The following NEIL2 variants were observed in gnomAD, a reference collection of about 807,000 sequenced individuals.
NEIL2 encodes the protein endonuclease 8-like 2.
NEIL2 carries 23 observed loss-of-function variants against 22.2 expected under a neutral mutation model. The observed-to-expected ratio is 1.04, with a 90% CI of 0.75 to 1.47. The LOEUF is 1.47. Among genes scored for constraint, NEIL2 ranks in the 40% most tolerant of loss-of-function variants. The pLI is 0.00. For synonymous variants in NEIL2, 229 were observed against 164.8 expected, an observed-to-expected ratio of 1.39 and a Z score of -2.99; for missense variants, 583 against 404.7, an observed-to-expected ratio of 1.44 and a Z score of -3.78.
At chr8:11,772,553 T>A (rs979228909) in intron 2 of NEIL2, among the ~76,000 whole-genome samples, 3 of 152,198 alleles carry the variant, frequency 2.0e-5, no homozygotes, top group Admixed American at 1.3e-4. Context: ...AGACTCCATC[T>A]CTGTGCTTCC....
intron 4 of NEIL2, among the ~76,000 whole-genome samples, chr8:11,784,018 G>T (rs752941358): frequency 6.6e-6 from 1 of 151,852 alleles, no homozygotes; most frequent in Non-Finnish European, 1.5e-5. Context: ...CTAATTAGCG[G>T]GACTATGACA....
In NEIL2 at chr8:11,769,752, C is replaced by G. The variant is rs8191518; in HGVS notation, c.-586C>G. The G allele has an allele frequency of 0.15, 23,002 of 152,396 alleles. 2,294 individuals carry two copies. The highest frequency in any genetic ancestry group is 0.23 in the Non-Finnish European group (15,537 of 68,114). The allele number at this position is 152,396 out of a possible 1,614,324, so 9.4% of individuals were successfully genotyped here. A position where few individuals can be genotyped will look rare whatever the true frequency, so the allele number is the denominator to read the frequency against. ...TGGAGCGGCTGTGCGGGCTGCGTAG[C>G]GGTGCTGGGTCGGGCCGACGTGCCA... On this transcript the variant is annotated 5_prime_UTR_variant, in exon 1 of 5. Coordinates refer to ENST00000284503, the MANE Select transcript of NEIL2 (RefSeq NM_145043.4).
At chr8:11,776,707 G>A (rs1803931753) in intron 2 of NEIL2, among the ~76,000 whole-genome samples, 1 of 152,168 alleles carries the variant, frequency 6.6e-6, no homozygotes, top group Non-Finnish European at 1.5e-5. Context: ...CACAGCACCT[G>A]GGGCCTCCCC....
At position 11,786,014 on chromosome 8, in the gene NEIL2, C is replaced by G; in HGVS notation, c.740C>G (p.Ser247Cys). The change falls in exon 5 of 5, where the codon TCT becomes TGT. Residue 247 changes from serine (S) to cysteine (C), a missense_variant. Transcript: ENST00000284503. ...TACAGAGCTGGGATCCATCCCCTTT[C>G]TCTCGGTTCAGTCCTGAGTGCCTCG... ...ALYRAGIHPLSLGSVLSASRR... is the reference protein window; with the variant it reads ...ALYRAGIHPLCLGSVLSASRR... 1 of 1,614,192 alleles carries G rather than the reference C, an allele frequency of 6.2e-7. No individual in the cohort carries two copies. Among genetic ancestry groups the G allele is most frequent in the Non-Finnish European group, 8.5e-7 (1 of 1,180,026 alleles).
intron 3 of NEIL2, among the ~76,000 whole-genome samples, chr8:11,780,584 G>C (rs766149657): frequency 2.0e-5 from 3 of 152,152 alleles, no homozygotes; most frequent in Non-Finnish European, 4.4e-5. Context: ...TCACCATGTT[G>C]GACAGGCTGG....
intron 2 of NEIL2, among the ~76,000 whole-genome samples, chr8:11,776,962 G>A (rs1803955770): frequency 6.6e-6 from 1 of 152,172 alleles, no homozygotes; most frequent in African/African-American, 2.4e-5. Context: ...CGCCCTGGCT[G>A]CTGTGTCTGA....
intron 2 of NEIL2, among the ~76,000 whole-genome samples, chr8:11,775,868 A>G (rs184430312): frequency 1.3e-5 from 2 of 152,322 alleles, no homozygotes; most frequent in Admixed American, 6.5e-5. Flanking sequence ...CCATATCACT[A>G]TCAGCATTTT....
rs1803331220 is a variant in NEIL2, at chr8:11,770,354, G to C, written c.-3+19G>C. 1 of 152,184 alleles carries C rather than the reference G, an allele frequency of 6.6e-6. No homozygotes were observed. Among genetic ancestry groups the C allele is most frequent in the South Asian group, 2.1e-4 (1 of 4,836 alleles). The allele number at this position is 152,184 out of a possible 1,614,324, so 9.4% of individuals were successfully genotyped here. A position where few individuals can be genotyped will look rare whatever the true frequency, so the allele number is the denominator to read the frequency against. On this transcript the variant is annotated intron_variant, in intron 1 of 4. Transcript: ENST00000284503. ...GGTTAAGGTCAGCAGCGTTTGGCAC[G>C]TCTCCTTCCAGCCTGGCGGTTTTGT...
intron 3 of NEIL2, among the ~76,000 whole-genome samples, chr8:11,780,998 C>T (rs1477622840): frequency 1.3e-5 from 2 of 152,054 alleles, no homozygotes; most frequent in South Asian, 2.1e-4. Context: ...TATGATGTCT[C>T]TTGGCATTTG....
intron 3 of NEIL2, among the ~76,000 whole-genome samples, chr8:11,780,996 C>G (rs534459532): frequency 6.6e-6 from 1 of 152,198 alleles, no homozygotes; most frequent in African/African-American, 2.4e-5. Flanking sequence ...CTTATGATGT[C>G]TCTTGGCATT....
intron 2 of NEIL2, 72 bp downstream of exon 2, chr8:11,771,657 T>G: frequency 3.4e-6 from 5 of 1,484,270 alleles, no homozygotes; most frequent in Non-Finnish European, 4.6e-6. Context: ...TATCCCCATA[T>G]GTCTCAGGGT....
intron 2 of NEIL2, among the ~76,000 whole-genome samples, chr8:11,775,939 C>T (rs1258861850): frequency 6.6e-6 from 1 of 152,218 alleles, no homozygotes; most frequent in African/African-American, 2.4e-5. Flanking sequence ...TTCCTGTCTT[C>T]TTCTGAGCCC....
chr8:11,783,364 A>C lies in NEIL2; in HGVS notation c.653A>C (p.Tyr218Ser). 6.2e-7 allele frequency: 1 copy of C among 1,614,194 alleles called. No individual in the cohort carries two copies. The highest frequency in any genetic ancestry group is 1.1e-5 in the South Asian group (1 of 91,084). ...CTAGGCCAGGCTCAGCCTGTCTGCTATACACTGCTGGACCAGAGATACTTC... is the reference window on the plus strand; with the variant it reads ...CTAGGCCAGGCTCAGCCTGTCTGCTCTACACTGCTGGACCAGAGATACTTC... ...EALGQAQPVC[Y>S]TLLDQRYFSG... The change falls in exon 4 of 5, where the codon TAT (tyrosine) becomes TCT (serine). Residue 218 changes from tyrosine (Y) to serine (S), a missense_variant. Tyr to Ser is a moderately radical substitution (Grantham distance 144). Coordinates refer to ENST00000284503, the MANE Select transcript of NEIL2 (RefSeq NM_145043.4).
chr8:11,781,442 A>T (rs758059859), intron 3 of NEIL2, among the ~76,000 whole-genome samples: 9 of 152,236 alleles, frequency 5.9e-5, no homozygotes, highest in Non-Finnish European at 7.3e-5. Context: ...GAAGAAGAGC[A>T]GATCATTTTT....
In NEIL2 at chr8:11,771,677, C is replaced by A. The variant is rs1026437349; in HGVS notation, c.138+92C>A. 7 of 1,396,218 alleles carry A rather than the reference C, an allele frequency of 5.0e-6. No homozygotes were observed. In the East Asian group the frequency reaches 9.2e-5, roughly 18 times the overall value. 86.5% of individuals were successfully genotyped at this position (1,396,218 alleles called of 1,614,324 possible). ...CCATATGTCTCAGGGTGTCACTTCC[C>A]TGAGTCCGGAACCACCAAGCTCGGA... On this transcript the variant is annotated intron_variant, in intron 2 of 4. Coordinates refer to ENST00000284503, the MANE Select transcript of NEIL2 (RefSeq NM_145043.4).
chr8:11,783,624 G>A (rs1311574611), intron 4 of NEIL2, among the ~76,000 whole-genome samples: 2 of 152,192 alleles, frequency 1.3e-5, no homozygotes, highest in African/African-American at 4.8e-5. Flanking sequence ...CACCCTAACT[G>A]TGTTATCAGT....
rs542456538 is a variant in NEIL2 at position 11,775,160 on chromosome 8, C to A, written c.138+3575C>A. On this transcript the variant is annotated intron_variant, in intron 2 of 4. Coordinates refer to ENST00000284503, the MANE Select transcript of NEIL2 (RefSeq NM_145043.4). ...CCCTAGCAGAGGTTCTCAATGAGGG[C>A]TCTGCCCCTGCAGCACACCTCTGCC... Among the ~76,000 whole-genome samples the A allele has an allele frequency of 3.3e-5, 5 of 152,400 alleles. No homozygotes were observed. The South Asian group carries it at 1.0e-3, about 32-fold the overall frequency.
Position 11,786,077 on chromosome 8 carries a change from G to A in NEIL2, c.803G>A (p.Ser268Asn). 4 of 1,614,194 alleles carry A rather than the reference G, an allele frequency of 2.5e-6. No homozygotes were observed. In the South Asian group the frequency reaches 3.3e-5, roughly 13 times the overall value. ...EVLVDHVVEF[S>N]TAWLQGKFQG... The stretch of plus-strand genomic sequence containing the variant: ...CTGGTGGATCACGTGGTGGAGTTCA[G>A]TACAGCCTGGCTGCAGGGCAAGTTC... Residue 268 changes from serine (S) to asparagine (N), a missense_variant, in exon 5 of 5, where the codon AGT becomes AAT. Transcript: ENST00000284503.
Position 11,786,628 on chromosome 8 carries a change from G to GCTTTTTTTTTTT in NEIL2, c.*355_*356insCTTTTTTTTTTT, listed in dbSNP as rs1554508759. On this transcript the variant is annotated 3_prime_UTR_variant, in exon 5 of 5. Transcript: ENST00000284503. ...CAACATAGCTTTGCAGATGATGTGGGTTTTTTTTTTTTTTTTGGTTGTTTG... is the reference window on the plus strand; with the variant it reads ...CAACATAGCTTTGCAGATGATGTGGGCTTTTTTTTTTTTTTTTTTTTTTTTTTTGGTTGTTTG... The GCTTTTTTTTTTT allele has an allele frequency of 4.8e-6, 1 of 207,160 alleles. No homozygotes were observed. The highest frequency in any genetic ancestry group is 6.0e-5 in the Admixed American group (1 of 16,584). 12.8% of individuals were successfully genotyped at this position (207,160 alleles called of 1,614,324 possible).
Sources: allele counts gnomAD v4.1 joint callset (sites outside exome capture counted in the v4.1 genomes callset), GRCh38; gene constraint gnomAD v4.1.1; transcripts MANE v1.5; gene names NCBI Gene and HGNC (gene_info 2026-07-23, HGNC 2026-07-21).